The following PSMA1 variants were observed in gnomAD, a reference collection of about 807,000 sequenced individuals.
The protein encoded by PSMA1 is proteasome subunit alpha type-1.
A neutral mutation model predicts 38.4 loss-of-function variants in PSMA1; 3 were observed. That is an observed-to-expected ratio of 0.08 (90% CI 0.04 to 0.20). The LOEUF is 0.20. Ranked by LOEUF, PSMA1 falls within the 10% of genes least tolerant of loss-of-function variation. The pLI, the probability that PSMA1 is intolerant of heterozygous loss-of-function variation, is 1.00. For missense variants in PSMA1, 227 were observed against 325.3 expected (o/e 0.70, Z 2.32); for synonymous variants, 101 against 107.1 (o/e 0.94, Z 0.35).
chr11:14,588,824 T>C (rs905088537), intron 2 of PSMA1, among the ~76,000 whole-genome samples: 1 of 152,240 alleles, frequency 6.6e-6, no homozygotes, highest in Non-Finnish European at 1.5e-5. Flanking sequence ...TTGCTCAGTC[T>C]ACTCCAGCTC....
chr11:14,553,589 C>CT (rs139626402), intron 2 of PSMA1, among the ~76,000 whole-genome samples: 103 of 148,376 alleles, frequency 6.9e-4, no homozygotes, highest in Middle Eastern at 6.9e-3. Context: ...TTGAGATTGG[C>CT]TTTTTTTTTT....
chr11:14,603,629 A>G (rs1208974063), intron 2 of PSMA1, among the ~76,000 whole-genome samples: 1 of 152,254 alleles, frequency 6.6e-6, no homozygotes, highest in Non-Finnish European at 1.5e-5. Context: ...AACATCAAAT[A>G]TTCCTAGCTA....
chr11:14,596,093 A>G (rs1478189875), intron 2 of PSMA1, among the ~76,000 whole-genome samples: 1 of 152,052 alleles, frequency 6.6e-6, no homozygotes, highest in Non-Finnish European at 1.5e-5. Context: ...GTTCTGTTCC[A>G]TTGGTCTATG....
intron 2 of PSMA1, among the ~76,000 whole-genome samples, chr11:14,555,719 A>G (rs1474063282): frequency 6.6e-6 from 1 of 152,084 alleles, no homozygotes; most frequent in African/African-American, 2.4e-5. Context: ...ACCCTCTCCA[A>G]CATAAACCCT....
intron 2 of PSMA1, among the ~76,000 whole-genome samples, chr11:14,551,245 T>C (rs1052303784): frequency 4.6e-5 from 7 of 152,218 alleles, no homozygotes; most frequent in Admixed American, 4.6e-4. Context: ...AGATCTAATA[T>C]AATTTGTTTT....
rs1172053696 is a variant in PSMA1, at chr11:14,519,024, G to A, written c.21C>T (p.Asp7=). The A allele has an allele frequency of 1.3e-6, 2 of 1,592,600 alleles. No individual in the cohort carries two copies. Among genetic ancestry groups the A allele is most frequent in the African/African-American group, 2.7e-5 (2 of 73,798 alleles). Residue 7 remains aspartate, a synonymous_variant, in exon 2 of 10, where the codon GAC becomes GAT. Transcript: ENST00000396394. MFRNQY[D]NDVTVWSPQG... ...GGGGGCTCCAAACAGTGACATCATT[G>A]TCATACTGATTTCGAAACTAAAAGT...
chr11:14,578,031 A>T (rs1469437428), intron 2 of PSMA1, among the ~76,000 whole-genome samples: 1 of 151,598 alleles, frequency 6.6e-6, no homozygotes, highest in Non-Finnish European at 1.5e-5. Flanking sequence ...CAATGAGAAC[A>T]CATGGGCACA....
Position 14,586,033 on chromosome 11 carries a change from A to AT in PSMA1, c.21+24932dup, listed in dbSNP as rs577203453. 4.9e-3 allele frequency among the ~76,000 whole-genome samples: 753 copies of AT among 152,292 alleles called. 5 individuals carry two copies. The highest frequency in any genetic ancestry group is 0.014 in the Middle Eastern group (4 of 294). On this transcript the variant is annotated intron_variant, in intron 2 of 10. Transcript: ENST00000418988. Reference sequence around the variant, plus strand: ...TTGCCACCTGGATTCTACCATTAGCATTTTATTATTCATGCCTATCCATTT... The same window carrying AT: ...TTGCCACCTGGATTCTACCATTAGCATTTTTATTATTCATGCCTATCCATTT...
chr11:14,621,557 C>T (rs532516582), intron 1 of PSMA1, among the ~76,000 whole-genome samples: 144 of 152,266 alleles, frequency 9.5e-4, no homozygotes, highest in African/African-American at 3.2e-3. Context: ...AGGCATGAGC[C>T]ACCACATTTG....
intron 8 of PSMA1, among the ~76,000 whole-genome samples, chr11:14,510,300 A>T (rs983731231): frequency 1.3e-5 from 2 of 151,934 alleles, no homozygotes; most frequent in Admixed American, 6.5e-5. Flanking sequence ...GCTCATACTC[A>T]CTTACCTCCT....
intron 2 of PSMA1, among the ~76,000 whole-genome samples, chr11:14,540,320 G>T (rs1851759760): frequency 6.6e-6 from 1 of 152,162 alleles, no homozygotes; most frequent in Admixed American, 6.5e-5. Flanking sequence ...ACTCCTCCCA[G>T]TTGGATCCAG....
In PSMA1 at chr11:14,559,524, G is replaced by C. The variant is rs184336521; in HGVS notation, c.22-40483C>G. ...CTTTCTGGAAGGATGGGATGGAAAA[G>C]CTCAGGACTTAACACAACCAGAGAG... is the stretch of plus-strand genomic sequence containing the variant. On this transcript the variant is annotated intron_variant, in intron 2 of 10. Transcript: ENST00000418988. 4.6e-5 allele frequency among the ~76,000 whole-genome samples: 7 copies of C among 152,252 alleles called. No homozygotes were observed. In the East Asian group the frequency reaches 9.7e-4, roughly 21 times the overall value.
At chr11:14,558,507 A>C (rs1262365995) in intron 2 of PSMA1, among the ~76,000 whole-genome samples, 4 of 152,214 alleles carry the variant, frequency 2.6e-5, no homozygotes, top group Admixed American at 1.3e-4. Flanking sequence ...CTGCTTTGAG[A>C]TAATGTGCTA....
intron 2 of PSMA1, among the ~76,000 whole-genome samples, chr11:14,576,689 A>G (rs1241284662): frequency 6.6e-6 from 1 of 152,158 alleles, no homozygotes; most frequent in Non-Finnish European, 1.5e-5. Context: ...GTAGCCTTGT[A>G]GTATAGTTTG....
At chr11:14,631,169 G>C (rs1853001805) in intron 1 of PSMA1, among the ~76,000 whole-genome samples, 1 of 151,922 alleles carries the variant, frequency 6.6e-6, no homozygotes. Flanking sequence ...ATTTCCTTCA[G>C]TTCTGCTCTG....
At chr11:14,601,042 C>A (rs1002052575) in intron 2 of PSMA1, among the ~76,000 whole-genome samples, 2 of 152,130 alleles carry the variant, frequency 1.3e-5, no homozygotes, top group Non-Finnish European at 2.9e-5. Flanking sequence ...ATCACTCATT[C>A]CCAGTAAATA....
At chr11:14,557,614 C>T (rs1851955741) in intron 2 of PSMA1, among the ~76,000 whole-genome samples, 1 of 152,112 alleles carries the variant, frequency 6.6e-6, no homozygotes, top group Non-Finnish European at 1.5e-5. Context: ...ATTTCTAGTT[C>T]TCTGTTTTCC....
At chr11:14,601,008 A>G (rs1418418310) in intron 2 of PSMA1, among the ~76,000 whole-genome samples, 4 of 152,240 alleles carry the variant, frequency 2.6e-5, no homozygotes, top group Non-Finnish European at 5.9e-5. Flanking sequence ...TGTTAAAGAA[A>G]TTAAAGTTTA....
At chr11:14,514,227 TTG>T (rs1262504454) in intron 5 of PSMA1, 174 bp downstream of exon 5, 1 of 1,355,900 alleles carries the variant, frequency 7.4e-7, no homozygotes, top group Non-Finnish European at 9.5e-7. Context: ...TTGGGCTTAT[TTG>T]TGTCTAGCAA....
Sources: allele counts gnomAD v4.1 joint callset (sites outside exome capture counted in the v4.1 genomes callset), GRCh38; gene constraint gnomAD v4.1.1; transcripts MANE v1.5; gene names NCBI Gene and HGNC (gene_info 2026-07-23, HGNC 2026-07-21).